AGTPBP1: variants seen among roughly 807,000 people sequenced by gnomAD.
AGTPBP1 encodes ATP/GTP binding carboxypeptidase 1, also known as cytosolic carboxypeptidase 1.
Under a neutral mutation model 143.9 loss-of-function variants are expected in AGTPBP1, and 70 were observed. The ratio of observed to expected loss-of-function variants is 0.49; its 90% CI spans 0.40 to 0.59. The LOEUF is 0.59. AGTPBP1 is among the 20% of genes least tolerant of loss of function. The pLI, the probability that AGTPBP1 is intolerant of heterozygous loss-of-function variation, is 0.00. For missense variants in AGTPBP1, 1,229 were observed against 1,464.5 expected (o/e 0.84, Z 2.62); for synonymous variants, 463 against 500.2 (o/e 0.93, Z 0.99).
At chr9:85,798,267 G>A in the AGTPBP1 span, among the ~76,000 whole-genome samples, 1 of 152,004 alleles carries the variant, frequency 6.6e-6, no homozygotes, top group East Asian at 1.9e-4. Flanking sequence ...GCAGTTTCCT[G>A]AGTGAGAAGA....
At chr9:85,549,880 T>C (rs1825935457) in intron 25 of AGTPBP1, among the ~76,000 whole-genome samples, 1 of 152,252 alleles carries the variant, frequency 6.6e-6, no homozygotes, top group African/African-American at 2.4e-5. Context: ...AAGAACTCCA[T>C]TCATTTCTTG....
chr9:85,786,104 A>T, the AGTPBP1 span: 3 of 1,570,570 alleles, frequency 1.9e-6, no homozygotes, highest in Non-Finnish European at 2.6e-6. Flanking sequence ...TTTTTAGATC[A>T]TAAGGCTGGA....
the AGTPBP1 span, chr9:85,756,298 A>G: frequency 6.7e-7 from 1 of 1,483,524 alleles, no homozygotes; most frequent in South Asian, 1.5e-5. Flanking sequence ...ACCACTCCCC[A>G]CTCCCCACTA....
intron 2 of AGTPBP1, among the ~76,000 whole-genome samples, chr9:85,697,196 GTA>G (rs1836301871): frequency 1.3e-5 from 2 of 152,012 alleles, no homozygotes; most frequent in African/African-American, 4.8e-5. Context: ...AAATGTATGT[GTA>G]TATATATTTA....
the AGTPBP1 span, among the ~76,000 whole-genome samples, chr9:85,793,128 T>G: frequency 2.6e-5 from 4 of 152,188 alleles, no homozygotes; most frequent in Non-Finnish European, 4.4e-5. Context: ...CTTTGATTTA[T>G]GAGTGAAAGA....
intron 1 of AGTPBP1, among the ~76,000 whole-genome samples, chr9:85,740,094 T>C (rs1198462178): frequency 6.6e-6 from 1 of 152,224 alleles, no homozygotes; most frequent in Non-Finnish European, 1.5e-5. Context: ...ACCATTATTA[T>C]ATAGCAGCCT....
intron 1 of AGTPBP1, among the ~76,000 whole-genome samples, chr9:85,734,602 C>T (rs1324183495): frequency 6.6e-6 from 1 of 152,138 alleles, no homozygotes; most frequent in Non-Finnish European, 1.5e-5. Context: ...AAAACAAAAA[C>T]ACAAAATAGT....
chr9:85,741,732 G>GCT (rs1824307624), intron 1 of AGTPBP1, 43 bp downstream of exon 1: 6 of 1,281,558 alleles, frequency 4.7e-6, no homozygotes, highest in African/African-American at 1.6e-5. Flanking sequence ...GGAGAGCAGA[G>GCT]GGACGGCCGG....
chr9:85,685,963 G>T (rs1390705084), intron 3 of AGTPBP1, among the ~76,000 whole-genome samples: 2 of 151,660 alleles, frequency 1.3e-5, no homozygotes, highest in East Asian at 1.9e-4. Context: ...ATGAAAAGAG[G>T]TATAACTAAA....
At chr9:85,744,143 G>T (rs751731090), upstream of AGTPBP1, among the ~76,000 whole-genome samples, 2 of 151,856 alleles carry the variant, frequency 1.3e-5, no homozygotes, top group Non-Finnish European at 2.9e-5. Context: ...AGTCACCCAG[G>T]CTGGTCTCAA....
intron 25 of AGTPBP1, among the ~76,000 whole-genome samples, chr9:85,566,101 T>A (rs1827067273): frequency 6.6e-6 from 1 of 152,164 alleles, no homozygotes; most frequent in South Asian, 2.1e-4. Context: ...CAAGGTACCA[T>A]GAATGGCACA....
intron 21 of AGTPBP1, 117 bp downstream of exon 21, chr9:85,588,181 T>C: frequency 1.1e-6 from 1 of 874,168 alleles, no homozygotes; most frequent in Non-Finnish European, 1.6e-6. Flanking sequence ...CCACCAAAAA[T>C]TTCTTTATTC....
At chr9:85,680,605 A>G (rs1325841931) in intron 4 of AGTPBP1, among the ~76,000 whole-genome samples, 1 of 151,794 alleles carries the variant, frequency 6.6e-6, no homozygotes, top group African/African-American at 2.4e-5. Context: ...AAAAGAAAAG[A>G]GAGAAAAAAA....
At chr9:85,590,918 C>T (rs1828918490) in intron 19 of AGTPBP1, among the ~76,000 whole-genome samples, 1 of 152,104 alleles carries the variant, frequency 6.6e-6, no homozygotes, top group Admixed American at 6.6e-5. Context: ...GCATAGTATA[C>T]ATACCACTGG....
At chr9:85,627,375 T>A (rs957065007) in intron 14 of AGTPBP1, among the ~76,000 whole-genome samples, 1 of 152,150 alleles carries the variant, frequency 6.6e-6, no homozygotes, top group Admixed American at 6.5e-5. Context: ...TCATCAAGTC[T>A]AACCCAATTA....
chr9:85,615,460 T>C (rs1006905516), intron 17 of AGTPBP1, among the ~76,000 whole-genome samples: 2 of 152,110 alleles, frequency 1.3e-5, no homozygotes, highest in East Asian at 1.9e-4. Flanking sequence ...CCTTACTCAA[T>C]AGAATATTAC....
chr9:85,610,718 TTAAA>T (rs2133426619), intron 17 of AGTPBP1, among the ~76,000 whole-genome samples: 1 of 152,282 alleles, frequency 6.6e-6, no homozygotes, highest in South Asian at 2.1e-4. Context: ...TGTCTGACAA[TTAAA>T]TAAATACCTC....
intron 3 of AGTPBP1, among the ~76,000 whole-genome samples, chr9:85,692,419 G>A (rs1835938689): frequency 6.6e-6 from 1 of 151,848 alleles, no homozygotes; most frequent in African/African-American, 2.4e-5. Context: ...GATTATAGGT[G>A]CATGCTACCA....
the AGTPBP1 span, chr9:85,764,660 G>A: frequency 1.4e-6 from 1 of 732,476 alleles, no homozygotes; most frequent in Non-Finnish European, 2.4e-6. Flanking sequence ...ATGCAGTCTA[G>A]ATTTCTAGTA....
Sources: allele counts gnomAD v4.1 joint callset (sites outside exome capture counted in the v4.1 genomes callset), GRCh38; gene constraint gnomAD v4.1.1; transcripts MANE v1.5; gene names NCBI Gene and HGNC (gene_info 2026-07-23, HGNC 2026-07-21).